Variants in CROCC2 observed in about 807,000 individuals in gnomAD.
The protein encoded by CROCC2 is ciliary rootlet coiled-coil protein 2.
Under a neutral mutation model 177.6 loss-of-function variants are expected in CROCC2, and 163 were observed. That is an observed-to-expected ratio of 0.92 (90% CI 0.81 to 1.05). The LOEUF is 1.05. CROCC2 is among the 50% of genes least tolerant of loss of function. The pLI, the probability that CROCC2 is intolerant of heterozygous loss-of-function variation, is 0.00. For missense variants in CROCC2, 1,929 were observed against 1,797.8 expected (o/e 1.07, Z -1.32); for synonymous variants, 904 against 787.3 (o/e 1.15, Z -2.48).
chr2:240,934,741 G>T (rs971250258), intron 12 of CROCC2, among the ~76,000 whole-genome samples, 175 bp from the exon 13 acceptor site: 1 of 152,192 alleles, frequency 6.6e-6, no homozygotes, highest in Non-Finnish European at 1.5e-5. Flanking sequence ...GAGCCTTAGT[G>T]CCTGGAGCCA....
intron 31 of CROCC2, among the ~76,000 whole-genome samples, chr2:240,991,483 G>A (rs1180815366): frequency 6.6e-6 from 1 of 152,244 alleles, no homozygotes; most frequent in Non-Finnish European, 1.5e-5. Context: ...GGTGCAGGCA[G>A]CCACCGCCCG....
At position 240,955,956 on chromosome 2, in the gene CROCC2, A is replaced by G; in HGVS notation, c.2927A>G (p.Gln976Arg). The G allele has an allele frequency of 6.5e-7, 1 of 1,534,518 alleles. No homozygotes were observed. Among genetic ancestry groups the G allele is most frequent in the South Asian group, 1.2e-5 (1 of 83,984 alleles). The change falls in exon 19 of 32, where the codon CAG becomes CGG. Residue 976 changes from glutamine (Q) to arginine (R), a missense_variant. Coordinates refer to ENST00000690015, the MANE Select transcript of CROCC2 (RefSeq NM_001351305.2). The stretch of plus-strand genomic sequence containing the variant: ...CGGGTACAGCAGGAGGCACAGAGCC[A>G]GCAGGAGCAAGCGCAGGTGAGCCCC... ...LERVQQEAQSQQEQAQATISA... is the reference protein window; with the variant it reads ...LERVQQEAQSRQEQAQATISA...
intron 20 of CROCC2, 76 bp downstream of exon 20, chr2:240,959,520 G>T: frequency 6.8e-7 from 1 of 1,464,062 alleles, no homozygotes; most frequent in Non-Finnish European, 9.2e-7. Flanking sequence ...AGAGAGGAGA[G>T]AGTGGGGGTG....
chr2:240,965,959 G>C lies in CROCC2; in HGVS notation c.3927G>C (p.Trp1309Cys). Residue 1309 changes from tryptophan to cysteine, a missense_variant, in exon 24 of 32, where the codon TGG (tryptophan) becomes TGC (cysteine). By Grantham distance (215) the Trp-to-Cys change is radical. This residue lies in a region of CROCC2 where 144 missense variants were observed against 205.2 expected (regional missense o/e 0.70). Coordinates refer to ENST00000690015, the MANE Select transcript of CROCC2 (RefSeq NM_001351305.2). ...TGGGGCTCCAGAGACAGAGCCCGTG[G>C]GCCTCCCCGGAGCAGCCTGGTTCCC... ...RGLGLQRQSP[W>C]ASPEQPGSPT... 3 of 1,392,066 alleles carry C rather than the reference G, an allele frequency of 2.2e-6. No individual in the cohort carries two copies. Among genetic ancestry groups the C allele is most frequent in the Non-Finnish European group, 2.8e-6 (3 of 1,079,442 alleles). The allele number at this position is 1,392,066 out of a possible 1,614,324, so 86.2% of individuals were successfully genotyped here.
chr2:240,917,809 G>A lies in CROCC2; in HGVS notation c.79-917G>A, dbSNP rs772216105. Among the ~76,000 whole-genome samples the A allele has an allele frequency of 3.0e-4, 46 of 152,200 alleles. No homozygotes were observed. The highest frequency in any genetic ancestry group is 7.7e-4 in the East Asian group (4 of 5,190). On this transcript the variant is annotated intron_variant, in intron 1 of 31. Coordinates refer to ENST00000690015, the MANE Select transcript of CROCC2 (RefSeq NM_001351305.2). The surrounding 1 kb of genome is among the most constrained non-coding windows in gnomAD (Gnocchi z 4.9). ...CAGCTGTGGCCTTGCGTATTCCTGC[G>A]GGATCCTGCCTGGGCTTCTGCTGGT... is the stretch of plus-strand genomic sequence containing the variant.
chr2:240,918,440 GCC>G lies in CROCC2; in HGVS notation c.79-282_79-281del, dbSNP rs2059333763. Among the ~76,000 whole-genome samples, 1 of 152,230 alleles carries G rather than the reference GCC, an allele frequency of 6.6e-6. No homozygotes were observed. The highest frequency in any genetic ancestry group is 1.5e-5 in the Non-Finnish European group (1 of 68,042). On this transcript the variant is annotated intron_variant, in intron 1 of 31. Transcript: ENST00000690015. This position sits in a 1 kb window ranked among gnomAD's most constrained non-coding sequence, Gnocchi z 6.3. ...AACCGCTTAGCCAGCGCTCAGCCCA[GCC>G]CCCACCAAGACAGGGCAGAGCCCCA... is the stretch of plus-strand genomic sequence containing the variant.
At position 240,967,331 on chromosome 2, in the gene CROCC2, G is replaced by GCCCAGGCA; in HGVS notation, c.4147-14_4147-13insCCCAGGCA. 1.5e-6 allele frequency: 1 copy of GCCCAGGCA among 687,358 alleles called. No individual in the cohort carries two copies. Among genetic ancestry groups the GCCCAGGCA allele is most frequent in the Non-Finnish European group, 2.7e-6 (1 of 367,840 alleles). 42.6% of individuals were successfully genotyped at this position (687,358 alleles called of 1,614,324 possible). On this transcript the variant is annotated splice_polypyrimidine_tract_variant and intron_variant, in intron 25 of 31. Transcript: ENST00000690015. ...CATTGGACTGCCCCCGCTGACCTCA[G>GCCCAGGCA]TCCTTCTGCCCAGGATGACTCCCGC...
In CROCC2 at chr2:240,973,700, T is replaced by G. The variant is rs538292376; in HGVS notation, c.4401+5438T>G. On this transcript the variant is annotated intron_variant, in intron 27 of 31. Coordinates refer to ENST00000690015, the MANE Select transcript of CROCC2 (RefSeq NM_001351305.2). This position sits in a 1 kb window ranked among gnomAD's most constrained non-coding sequence, Gnocchi z 4.7. Reference sequence around the variant, plus strand: ...CTTAGGGCCAGCGGGGCCCACAAGGTGGACACTGAGCCACAGTCAGACTTG... The same window carrying G: ...CTTAGGGCCAGCGGGGCCCACAAGGGGGACACTGAGCCACAGTCAGACTTG... 6.6e-6 allele frequency among the ~76,000 whole-genome samples: 1 copy of G among 152,368 alleles called. No homozygotes were observed. The highest frequency in any genetic ancestry group is 1.9e-4 in the East Asian group (1 of 5,190).
chr2:240,954,120 A>AT (rs2059574314), intron 18 of CROCC2, among the ~76,000 whole-genome samples: 1 of 152,288 alleles, frequency 6.6e-6, no homozygotes, highest in African/African-American at 2.4e-5. Flanking sequence ...GGGAGCACTG[A>AT]TTTTTAAAAT....
In CROCC2 at chr2:240,933,664, C is replaced by T; in HGVS notation, c.1464-6C>T. 3 of 1,549,840 alleles carry T rather than the reference C, an allele frequency of 1.9e-6. No individual in the cohort carries two copies. Among genetic ancestry groups the T allele is most frequent in the Non-Finnish European group, 2.6e-6 (3 of 1,146,522 alleles). ...GCCGCCCCAACTCTGCCCCCACCAT[C>T]CCCAGGGAGAAGGCTGCTCTGGAGA... is the stretch of plus-strand genomic sequence containing the variant. On this transcript the variant is annotated splice_region_variant and splice_polypyrimidine_tract_variant and intron_variant, in intron 10 of 31. Transcript: ENST00000690015.
chr2:240,988,837 G>A lies in CROCC2; in HGVS notation c.4650G>A (p.Val1550=). Residue 1550 remains valine (V), a synonymous_variant, in exon 29 of 32, where the codon GTG becomes GTA. Coordinates refer to ENST00000690015, the MANE Select transcript of CROCC2 (RefSeq NM_001351305.2). ...DQSLNSLHQE[V]DGALRQNQQL... is the part of the protein sequence containing the mutation. ...CTCTGAACAGCCTGCACCAGGAGGT[G>A]GACGGAGCCCTGAGGCAAAATCAGC... is the stretch of plus-strand genomic sequence containing the variant. 9.3e-6 allele frequency: 14 copies of A among 1,504,682 alleles called. No homozygotes were observed. The highest frequency in any genetic ancestry group is 1.2e-5 in the Non-Finnish European group (13 of 1,120,636). 93.2% of individuals were successfully genotyped at this position (1,504,682 alleles called of 1,614,324 possible). A position where few individuals can be genotyped will look rare whatever the true frequency, so the allele number is the denominator to read the frequency against.
At chr2:240,942,365 G>T (rs1450337442) in intron 14 of CROCC2, among the ~76,000 whole-genome samples, 1 of 152,096 alleles carries the variant, frequency 6.6e-6, no homozygotes, top group Non-Finnish European at 1.5e-5. Flanking sequence ...TCTTGAGTAT[G>T]TTTTTAAACA....
rs187934541 is a variant in CROCC2, at chr2:240,919,053, G to A, written c.229+177G>A. Among the ~76,000 whole-genome samples the A allele has an allele frequency of 9.5e-4, 34 of 35,608 alleles. No individual in the cohort carries two copies. The East Asian group carries it at 0.013, about 14-fold the overall frequency. 23.4% of individuals were successfully genotyped at this position (35,608 alleles called of 152,430 possible). A position where few individuals can be genotyped will look rare whatever the true frequency, so the allele number is the denominator to read the frequency against. On this transcript the variant is annotated intron_variant, in intron 2 of 31. Coordinates refer to ENST00000690015, the MANE Select transcript of CROCC2 (RefSeq NM_001351305.2). ...GCCCGGGGCTGGGCAAGGTGATGGC[G>A]TGGGGGACGGTCCTGGGCCCGGGGC... is the stretch of plus-strand genomic sequence containing the variant.
Position 240,963,733 on chromosome 2 carries a change from C to T in CROCC2, c.3265C>T (p.Leu1089=), listed in dbSNP as rs765821735. The T allele has an allele frequency of 6.4e-5, 99 of 1,550,048 alleles. No homozygotes were observed. In the Middle Eastern group the frequency reaches 1.9e-3, roughly 29 times the overall value. ...CGTACTGTTGCTTTTCAACAGCGAG[C>T]TGCGGGCCACCATCTGCAGGGCCGA... ...KDVLLLFNSE[L]RATICRAEQE... is the part of the protein sequence containing the mutation. Residue 1089 remains leucine, a synonymous_variant, in exon 21 of 32, where the codon CTG becomes TTG. Transcript: ENST00000690015.
At chr2:240,963,349 G>T in intron 20 of CROCC2, 1 of 566,008 alleles carries the variant, frequency 1.8e-6, no homozygotes, top group South Asian at 2.8e-5. Context: ...GGGCTCTTAG[G>T]CTGGCCCTGC....
At chr2:240,965,358 T>G (rs2059673308) in intron 22 of CROCC2, 23 bp from the exon 23 acceptor site, 1 of 1,548,446 alleles carries the variant, frequency 6.5e-7, no homozygotes, top group East Asian at 2.4e-5. Flanking sequence ...AGTGACCCTG[T>G]CCGTGCGGCC....
At chr2:240,980,046 C>A (rs2059787752) in intron 27 of CROCC2, among the ~76,000 whole-genome samples, 1 of 62,002 alleles carries the variant, frequency 1.6e-5, no homozygotes, top group Non-Finnish European at 3.2e-5. Flanking sequence ...CCTCAGGATC[C>A]CAGGCTCATC....
chr2:240,955,770 C>T (rs1381981387), intron 18 of CROCC2, 89 bp from the exon 19 acceptor site: 2 of 867,868 alleles, frequency 2.3e-6, no homozygotes, highest in African/African-American at 1.7e-5. Context: ...CTGCACTCAG[C>T]ATTCTGCCAC....
intron 14 of CROCC2, among the ~76,000 whole-genome samples, chr2:240,936,911 G>A (rs891215909): frequency 6.6e-6 from 1 of 152,220 alleles, no homozygotes; most frequent in African/African-American, 2.4e-5. Flanking sequence ...CCTGCTGGGA[G>A]GCGACTGATA....
Sources: allele counts gnomAD v4.1 joint callset (sites outside exome capture counted in the v4.1 genomes callset), GRCh38; gene constraint gnomAD v4.1.1; regional missense constraint gnomAD v4.1.1; non-coding constraint Gnocchi (gnomAD v3.1); transcripts MANE v1.5; gene names NCBI Gene and HGNC (gene_info 2026-07-23, HGNC 2026-07-21).